The following ZFYVE16 variants were observed in gnomAD, a reference collection of about 807,000 sequenced individuals.
The protein encoded by ZFYVE16 is zinc finger FYVE-type containing 16, also known as zinc finger FYVE domain-containing protein 16.
A neutral mutation model predicts 138.1 loss-of-function variants in ZFYVE16; 89 were observed. That is an observed-to-expected ratio of 0.64 (90% CI 0.54 to 0.77). ZFYVE16 has a LOEUF of 0.77. Among genes scored for constraint, ZFYVE16 ranks in the 30% least tolerant of loss-of-function variants. The pLI is 0.00. For synonymous variants in ZFYVE16, 596 were observed against 618.3 expected (o/e 0.96, Z 0.53); for missense variants, 1,793 against 1,786.7 (o/e 1.00, Z -0.06).
Position 80,481,254 on chromosome 5 carries a change from A to T in ZFYVE16, c.*3877A>T, listed in dbSNP as rs1755259174. Among the ~76,000 whole-genome samples the T allele has an allele frequency of 6.6e-6, 1 of 152,162 alleles. No homozygotes were observed. The highest frequency in any genetic ancestry group is 1.5e-5 in the Non-Finnish European group (1 of 68,032). On this transcript the variant is annotated 3_prime_UTR_variant, in exon 19 of 19. Transcript: ENST00000505560. ...GCAGAACACTGGCAATGGGGAGGCT[A>T]ACGCCCTGACTTTCTAGCCAAAAAC...
At chr5:80,446,417 GAA>G (rs1751360023) in intron 7 of ZFYVE16, among the ~76,000 whole-genome samples, 1 of 152,022 alleles carries the variant, frequency 6.6e-6, no homozygotes, top group African/African-American at 2.4e-5. Context: ...AATATTTTAT[GAA>G]AAATTTTTTT....
chr5:80,430,231 C>CA (rs1748791072), intron 2 of ZFYVE16, among the ~76,000 whole-genome samples: 1 of 152,074 alleles, frequency 6.6e-6, no homozygotes, highest in Admixed American at 6.6e-5. Context: ...GAAATTATAA[C>CA]AAACTGTCTC....
At position 80,472,817 on chromosome 5, in the gene ZFYVE16, C is replaced by T. The variant is rs763240843; in HGVS notation, c.4081C>T (p.Arg1361Ter). The T allele has an allele frequency of 1.7e-5, 27 of 1,613,848 alleles. No individual in the cohort carries two copies. Among genetic ancestry groups the T allele is most frequent in the Non-Finnish European group, 2.1e-5 (25 of 1,179,936 alleles). Reference protein sequence around the residue: ...ETMNGLRLALREQKDFKITCG... With the variant: ...ETMNGLRLAL ...CATGAATGGCTTGCGGCTAGCTTTACGAGAACAGAAAGACTTTAAAATTAC... is the reference window on the plus strand; with the variant it reads ...CATGAATGGCTTGCGGCTAGCTTTATGAGAACAGAAAGACTTTAAAATTAC... The change falls in exon 16 of 19, where the codon CGA (arginine) becomes TGA (stop). Residue 1361 changes from arginine (R) to a stop codon, truncating the protein, a stop_gained. Coordinates refer to ENST00000505560, the MANE Select transcript of ZFYVE16 (RefSeq NM_001284236.3). LOFTEE classifies it high-confidence loss of function.
At chr5:80,461,909 T>C (rs556860581) in intron 15 of ZFYVE16, among the ~76,000 whole-genome samples, 31 of 151,886 alleles carry the variant, frequency 2.0e-4, no homozygotes, top group Middle Eastern at 3.4e-3. Context: ...GAGGTGGAGG[T>C]TGCAGTGAGC....
rs1440139715 is a variant in ZFYVE16, at chr5:80,438,857, T to A, written c.2172T>A (p.Asp724Glu). The A allele has an allele frequency of 1.2e-6, 2 of 1,613,984 alleles. No individual in the cohort carries two copies. ...CTAGTTTCGTAACTGCAAATGAAGA[T>A]TCTGTACCTGAAAACACTTGCAAAG... ...GGSSFVTANEDSVPENTCKEG... is the reference protein window; with the variant it reads ...GGSSFVTANEESVPENTCKEG... The change falls in exon 4 of 19, where the codon GAT (aspartate) becomes GAA (glutamate). Residue 724 changes from aspartate (D) to glutamate (E), a missense_variant. Asp to Glu is a conservative substitution (Grantham distance 45, BLOSUM62 2). Coordinates refer to ENST00000505560, the MANE Select transcript of ZFYVE16 (RefSeq NM_001284236.3).
chr5:80,448,163 A>C lies in ZFYVE16; in HGVS notation c.2862A>C (p.Thr954=). 1.2e-6 allele frequency: 2 copies of C among 1,614,046 alleles called. No homozygotes were observed. The highest frequency in any genetic ancestry group is 1.1e-5 in the South Asian group (1 of 91,072). The change falls in exon 8 of 19, where the codon ACA becomes ACC. Residue 954 remains threonine, a synonymous_variant. Coordinates refer to ENST00000505560, the MANE Select transcript of ZFYVE16 (RefSeq NM_001284236.3). ...VPSVEKLSMN[T]GNEGLPTSGS... is the part of the protein sequence containing the mutation. ...CAGTGGAAAAATTGTCTATGAACAC[A>C]GGAAATGAGGGGTTACCTACTTCTG...
At chr5:80,449,734 A>G (rs1395786481) in intron 9 of ZFYVE16, 21 bp downstream of exon 9, 2 of 1,568,986 alleles carry the variant, frequency 1.3e-6, no homozygotes, top group Admixed American at 2.0e-5. Context: ...ATTTATCCTT[A>G]TTTGCTTAAT....
chr5:80,446,208 T>C (rs1488693990), intron 7 of ZFYVE16, among the ~76,000 whole-genome samples: 3 of 152,128 alleles, frequency 2.0e-5, no homozygotes, highest in Admixed American at 2.0e-4. Context: ...AGATTTTACC[T>C]TTTTTAAATG....
At chr5:80,456,160 A>T (rs1237224999) in intron 12 of ZFYVE16, 1 of 303,436 alleles carries the variant, frequency 3.3e-6, no homozygotes, top group Admixed American at 5.0e-5. Context: ...TTATAATAGG[A>T]AGTGTTGGAT....
At chr5:80,422,954 A>G (rs114676385) in intron 1 of ZFYVE16, among the ~76,000 whole-genome samples, 1,755 of 152,148 alleles carry the variant, frequency 0.012, 28 homozygotes, top group African/African-American at 0.036. Context: ...TTTTATACCT[A>G]TGTTCATGGG....
intron 2 of ZFYVE16, among the ~76,000 whole-genome samples, chr5:80,429,887 C>A (rs948612565): frequency 5.9e-5 from 9 of 152,106 alleles, no homozygotes; most frequent in Non-Finnish European, 7.4e-5. Context: ...AAGAAGAGCT[C>A]ACTATCCTAA....
chr5:80,450,261 C>T (rs1751838882), intron 9 of ZFYVE16, among the ~76,000 whole-genome samples, 170 bp from the exon 10 acceptor site: 1 of 53,124 alleles, frequency 1.9e-5, no homozygotes, highest in African/African-American at 3.1e-5. Flanking sequence ...CTATGATAAT[C>T]CTTTTTCTTA....
intron 15 of ZFYVE16, among the ~76,000 whole-genome samples, chr5:80,462,256 A>G (rs1467820096): frequency 6.6e-6 from 1 of 152,246 alleles, no homozygotes; most frequent in Non-Finnish European, 1.5e-5. Flanking sequence ...TATAAAAGAC[A>G]GAGGTTTAAT....
chr5:80,434,263 C>T, intron 3 of ZFYVE16, 46 bp downstream of exon 3: 1 of 1,594,730 alleles, frequency 6.3e-7, no homozygotes, highest in Non-Finnish European at 8.6e-7. Flanking sequence ...TTAAAAATAT[C>T]TGTAATTAAG....
chr5:80,461,704 G>A (rs1234189530), intron 15 of ZFYVE16, among the ~76,000 whole-genome samples: 2 of 152,088 alleles, frequency 1.3e-5, no homozygotes, highest in Non-Finnish European at 2.9e-5. Context: ...GGCTGGGTGT[G>A]GTGGGTCACA....
chr5:80,460,735 T>C (rs935718820), intron 15 of ZFYVE16, among the ~76,000 whole-genome samples: 1 of 152,212 alleles, frequency 6.6e-6, no homozygotes, highest in African/African-American at 2.4e-5. Context: ...TTCTGAGCTA[T>C]GTTCTTAGCT....
intron 1 of ZFYVE16, among the ~76,000 whole-genome samples, chr5:80,416,855 G>C (rs1316698876): frequency 2.0e-5 from 3 of 151,924 alleles, no homozygotes; most frequent in African/African-American, 7.3e-5. Context: ...GTTGCCCCTG[G>C]GATGTTACTG....
At chr5:80,431,948 T>C (rs1261047572) in intron 2 of ZFYVE16, among the ~76,000 whole-genome samples, 3 of 152,166 alleles carry the variant, frequency 2.0e-5, no homozygotes, top group African/African-American at 7.2e-5. Flanking sequence ...TACAAACAAA[T>C]GGAAGAACAT....
At chr5:80,427,043 CT>C (rs79193578) in intron 1 of ZFYVE16, among the ~76,000 whole-genome samples, 1,970 of 144,410 alleles carry the variant, frequency 0.014, 32 homozygotes, top group African/African-American at 0.042. Context: ...ATATAAATGT[CT>C]TTTTTTTTTT....
Sources: allele counts gnomAD v4.1 joint callset (sites outside exome capture counted in the v4.1 genomes callset), GRCh38; gene constraint gnomAD v4.1.1; transcripts MANE v1.5; gene names NCBI Gene and HGNC (gene_info 2026-07-23, HGNC 2026-07-21).